LRRFIP1: variants seen among roughly 807,000 people sequenced by gnomAD.
LRRFIP1 encodes the protein LRR binding FLII interacting protein 1, also known as leucine-rich repeat flightless-interacting protein 1.
LRRFIP1 carries 62 observed loss-of-function variants against 104.4 expected under a neutral mutation model. The ratio of observed to expected loss-of-function variants is 0.59; its 90% CI spans 0.48 to 0.73. LRRFIP1 has a LOEUF of 0.73. Ranked by LOEUF, LRRFIP1 falls within the 30% of genes least tolerant of loss-of-function variation. The probability of loss-of-function intolerance (pLI) is 0.00; values close to 1 mark genes in which losing one functional copy is unlikely to be tolerated. For synonymous variants in LRRFIP1, 300 were observed against 299.0 expected (o/e 1.00, Z -0.03); for missense variants, 796 against 824.5 (o/e 0.97, Z 0.42).
At chr2:237,693,076 T>C (rs950380662) in intron 1 of LRRFIP1, among the ~76,000 whole-genome samples, 28 of 152,242 alleles carry the variant, frequency 1.8e-4, no homozygotes, top group Non-Finnish European at 3.2e-4. Flanking sequence ...GATTTTGCCG[T>C]TGTCCAGCTC....
At chr2:237,758,180 A>G (rs1415944589) in intron 17 of LRRFIP1, among the ~76,000 whole-genome samples, 1 of 151,936 alleles carries the variant, frequency 6.6e-6, no homozygotes, top group African/African-American at 2.4e-5. Context: ...ACGTTGACTC[A>G]AGCCACACTG....
chr2:237,749,142 T>C, intron 12 of LRRFIP1, 57 bp from the exon 13 acceptor site: 3 of 1,563,556 alleles, frequency 1.9e-6, no homozygotes, highest in Non-Finnish European at 2.6e-6. Context: ...CCAGATGAGA[T>C]TTGGGTGGGG....
chr2:237,638,969 T>A (rs1398400139), intron 1 of LRRFIP1, among the ~76,000 whole-genome samples: 1 of 152,228 alleles, frequency 6.6e-6, no homozygotes, highest in Non-Finnish European at 1.5e-5. Context: ...TTAAGTTGTG[T>A]GACCGTAGGC....
At chr2:237,751,485 A>G (rs762447686) in intron 14 of LRRFIP1, among the ~76,000 whole-genome samples, 1 of 152,234 alleles carries the variant, frequency 6.6e-6, no homozygotes, top group African/African-American at 2.4e-5. Context: ...GTAACTGCCC[A>G]GTAGAAAAGG....
At chr2:237,757,573 C>T in intron 17 of LRRFIP1, 25 bp downstream of exon 17, 1 of 1,511,174 alleles carries the variant, frequency 6.6e-7, no homozygotes, top group Non-Finnish European at 9.0e-7. Context: ...TCTTGAAAAT[C>T]TACTCAAATG....
intron 23 of LRRFIP1, among the ~76,000 whole-genome samples, chr2:237,775,678 A>G (rs1420790335): frequency 1.3e-5 from 2 of 152,184 alleles, no homozygotes; most frequent in Non-Finnish European, 2.9e-5. Flanking sequence ...CATAAAGTGC[A>G]AAAAAACTAA....
chr2:237,747,965 T>C (rs2058094640), intron 11 of LRRFIP1, among the ~76,000 whole-genome samples: 1 of 152,212 alleles, frequency 6.6e-6, no homozygotes, highest in Non-Finnish European at 1.5e-5. Context: ...TGTCTTTTGT[T>C]GGATGCTGAG....
At chr2:237,765,551 A>G (rs1156895832) in intron 19 of LRRFIP1, 2 of 975,934 alleles carry the variant, frequency 2.0e-6, no homozygotes, top group Non-Finnish European at 2.4e-6. Context: ...ACAAGCTACT[A>G]ATTAGACTAT....
intron 1 of LRRFIP1, among the ~76,000 whole-genome samples, chr2:237,688,454 T>C (rs1432596312): frequency 4.5e-5 from 2 of 44,868 alleles, no homozygotes; most frequent in East Asian, 5.2e-4. Flanking sequence ...TTTTTTTTTT[T>C]TCTTTTTTTT....
intron 23 of LRRFIP1, among the ~76,000 whole-genome samples, chr2:237,775,490 C>T (rs1454698987): frequency 1.3e-5 from 2 of 152,198 alleles, no homozygotes; most frequent in African/African-American, 4.8e-5. Flanking sequence ...GTGGGAGCTA[C>T]TGCAGGGTTT....
At chr2:237,671,970 G>A (rs1223042856) in intron 1 of LRRFIP1, among the ~76,000 whole-genome samples, 1 of 151,038 alleles carries the variant, frequency 6.6e-6, no homozygotes, top group East Asian at 1.9e-4. Flanking sequence ...ACTGTTCACC[G>A]GGTTGAGGGT....
At chr2:237,728,062 C>CT (rs199877448) in intron 8 of LRRFIP1, 127 bp downstream of exon 8, 6,746 of 628,618 alleles carry the variant, frequency 0.011, 57 homozygotes, top group Non-Finnish European at 0.014. Flanking sequence ...ATCGGTCTGT[C>CT]TTTTTTTTCC....
chr2:237,764,752 A>G, intron 19 of LRRFIP1: 1 of 986,360 alleles, frequency 1.0e-6, no homozygotes, highest in African/African-American at 1.7e-5. Context: ...GAGGGGCTTT[A>G]TTTGCCTTTA....
intron 16 of LRRFIP1, among the ~76,000 whole-genome samples, 153 bp from the exon 17 acceptor site, chr2:237,757,303 A>C (rs2059370906): frequency 6.6e-6 from 1 of 152,162 alleles, no homozygotes; most frequent in African/African-American, 2.4e-5. Context: ...ACAAGGAAAA[A>C]AATCCTAGAA....
chr2:237,650,557 C>T (rs556642343), intron 1 of LRRFIP1, among the ~76,000 whole-genome samples: 96 of 152,334 alleles, frequency 6.3e-4, no homozygotes, highest in African/African-American at 2.2e-3. Flanking sequence ...TTCACACTGA[C>T]TCCTGTGTGA....
chr2:237,632,126 C>T lies in LRRFIP1; in HGVS notation c.96+4386C>T, dbSNP rs546813002. On this transcript the variant is annotated intron_variant, in intron 1 of 23. Coordinates refer to ENST00000308482, the MANE Select transcript of LRRFIP1 (RefSeq NM_001137550.2). ...AGGAGTCCAGTTGCGGAGAAGGGGTCGCACTGCCCCCAAGGAGTCCAGTTG... is the reference window on the plus strand; with the variant it reads ...AGGAGTCCAGTTGCGGAGAAGGGGTTGCACTGCCCCCAAGGAGTCCAGTTG... 6.6e-5 allele frequency among the ~76,000 whole-genome samples: 10 copies of T among 151,580 alleles called. No homozygotes were observed. In the South Asian group the frequency reaches 1.9e-3, roughly 29 times the overall value.
chr2:237,749,215 C>T lies in LRRFIP1; in HGVS notation c.686C>T (p.Pro229Leu), dbSNP rs560891479. 3.9e-4 allele frequency: 622 copies of T among 1,613,432 alleles called. 5 individuals are homozygous for T. The South Asian group carries it at 6.3e-3, about 16-fold the overall frequency. ...DFTEKGSRNMPGLSAATLASL... is the reference protein window; with the variant it reads ...DFTEKGSRNMLGLSAATLASL... ...ACGTTCCAGGGGTCTCGTAACATGC[C>T]GGGCCTGTCTGCAGCCACGCTGGCC... Residue 229 changes from proline (P) to leucine (L), a missense_variant, in exon 13 of 24, where the codon CCG becomes CTG. Physicochemically the swap from Pro to Leu is moderately conservative, Grantham distance 98 (BLOSUM62 -3). Coordinates refer to ENST00000308482, the MANE Select transcript of LRRFIP1 (RefSeq NM_001137550.2).
Position 237,711,825 on chromosome 2 carries a change from A to G in LRRFIP1, c.184-2434A>G, listed in dbSNP as rs942904449. On this transcript the variant is annotated intron_variant, in intron 2 of 23. Transcript: ENST00000308482. This position sits in a 1 kb window ranked among gnomAD's most constrained non-coding sequence, Gnocchi z 4.4. ...AAGCCACTCCTTGTGGCAGCAGAGG[A>G]TGGACATGGCAGACAGGAAGCTGCC... 2.0e-5 allele frequency among the ~76,000 whole-genome samples: 3 copies of G among 152,154 alleles called. No individual in the cohort carries two copies. The highest frequency in any genetic ancestry group is 4.8e-5 in the African/African-American group (2 of 41,432).
Position 237,666,703 on chromosome 2 carries a change from C to T in LRRFIP1, c.96+38963C>T, listed in dbSNP as rs892769868. ...GAGTGAAGAGACATGTCCTTGACGT[C>T]ATAGAGTGGAGTGCGCTTTCTTTCT... On this transcript the variant is annotated intron_variant, in intron 1 of 23. Coordinates refer to ENST00000308482, the MANE Select transcript of LRRFIP1 (RefSeq NM_001137550.2). Among the ~76,000 whole-genome samples, 4 of 152,224 alleles carry T rather than the reference C, an allele frequency of 2.6e-5. No homozygotes were observed. In the South Asian group the frequency reaches 8.3e-4, roughly 32 times the overall value.
Sources: gnomAD v4.1 joint callset for allele counts (sites outside exome capture counted in the v4.1 genomes callset) on GRCh38, gnomAD v4.1.1 for gene constraint, Gnocchi (gnomAD v3.1) non-coding constraint, MANE v1.5 for transcripts, NCBI Gene and HGNC (gene_info 2026-07-23, HGNC 2026-07-21) for gene names.